The following PDE4B variants were observed in gnomAD, a reference collection of about 807,000 sequenced individuals.
PDE4B encodes the protein 3',5'-cyclic-AMP phosphodiesterase 4B.
PDE4B carries 20 observed loss-of-function variants against 82.2 expected under a neutral mutation model. That is an observed-to-expected ratio of 0.24 (90% confidence interval 0.17 to 0.35). The LOEUF (loss-of-function observed/expected upper bound fraction) is 0.35, where lower values mean the gene tolerates loss of function less well. PDE4B is among the 10% of genes least tolerant of loss of function. The pLI is 1.00. For synonymous variants in PDE4B, 320 were observed against 318.9 expected, an observed-to-expected ratio of 1.00 and a Z score of -0.04; for missense variants, 655 against 907.2, an observed-to-expected ratio of 0.72 and a Z score of 3.57.
At chr1:66,037,841 A>G (rs913825205) in intron 3 of PDE4B, among the ~76,000 whole-genome samples, 3 of 152,182 alleles carry the variant, frequency 2.0e-5, no homozygotes, top group African/African-American at 7.2e-5. Context: ...TCATTTTATA[A>G]AAGATTATGG....
intron 3 of PDE4B, among the ~76,000 whole-genome samples, chr1:65,946,765 C>T (rs1276499181): frequency 6.6e-6 from 1 of 151,952 alleles, no homozygotes; most frequent in Admixed American, 6.6e-5. Context: ...TATGCAGACC[C>T]ATTTGTTGCC....
chr1:66,307,123 CAG>C (rs1317656692), intron 7 of PDE4B, among the ~76,000 whole-genome samples: 5 of 151,818 alleles, frequency 3.3e-5, no homozygotes, highest in Non-Finnish European at 5.9e-5. Context: ...GAGAGAGAGA[CAG>C]AGACAGAGAC....
At chr1:65,891,404 G>A (rs1271124349) in intron 1 of PDE4B, among the ~76,000 whole-genome samples, 1 of 151,900 alleles carries the variant, frequency 6.6e-6, no homozygotes, top group Non-Finnish European at 1.5e-5. Context: ...TTCTTTCTTT[G>A]GTAGTTCAAC....
chr1:65,992,092 T>A (rs907705042), intron 3 of PDE4B, among the ~76,000 whole-genome samples: 1 of 152,174 alleles, frequency 6.6e-6, no homozygotes, highest in Non-Finnish European at 1.5e-5. Context: ...TCCTGTTCGC[T>A]GACATTTTTT....
chr1:65,959,488 G>C (rs960113569), intron 3 of PDE4B, among the ~76,000 whole-genome samples: 9 of 152,068 alleles, frequency 5.9e-5, no homozygotes, highest in Non-Finnish European at 1.2e-4. Flanking sequence ...ACACCACCAG[G>C]TCCATGTCAA....
At chr1:66,126,312 G>C (rs1645822415) in intron 3 of PDE4B, among the ~76,000 whole-genome samples, 1 of 152,124 alleles carries the variant, frequency 6.6e-6, no homozygotes, top group Non-Finnish European at 1.5e-5. Flanking sequence ...AAATAATCAA[G>C]ATGATAACTT....
chr1:66,350,389 C>A (rs1221574247), intron 8 of PDE4B, among the ~76,000 whole-genome samples: 1 of 152,036 alleles, frequency 6.6e-6, no homozygotes, highest in Non-Finnish European at 1.5e-5. Context: ...TTTTTATTCT[C>A]TGTTCTTACA....
chr1:66,228,166 C>T (rs114366670), intron 3 of PDE4B, among the ~76,000 whole-genome samples: 2,080 of 152,310 alleles, frequency 0.014, 56 homozygotes, highest in African/African-American at 0.047. Context: ...GTCTTGTTAA[C>T]CTGACCACCT....
At chr1:66,268,830 T>C (rs1409340069) in intron 7 of PDE4B, among the ~76,000 whole-genome samples, 1 of 152,138 alleles carries the variant, frequency 6.6e-6, no homozygotes, top group African/African-American at 2.4e-5. Flanking sequence ...TAAGTTGGCA[T>C]AATTGCTCCT....
chr1:66,084,115 C>G (rs1656882354), intron 3 of PDE4B, among the ~76,000 whole-genome samples: 1 of 152,020 alleles, frequency 6.6e-6, no homozygotes, highest in South Asian at 2.1e-4. Flanking sequence ...AAAATTATAC[C>G]TCTTACAAGA....
chr1:66,328,195 G>C (rs1026556065), intron 7 of PDE4B, among the ~76,000 whole-genome samples: 3 of 152,164 alleles, frequency 2.0e-5, no homozygotes, highest in African/African-American at 7.2e-5. Context: ...GCAATACCCA[G>C]CAAACTTATA....
intron 1 of PDE4B, among the ~76,000 whole-genome samples, chr1:65,850,047 A>G (rs1048516330): frequency 6.6e-6 from 1 of 151,468 alleles, no homozygotes; most frequent in African/African-American, 2.4e-5. Flanking sequence ...CATTCCCACC[A>G]GCAATACATG....
intron 3 of PDE4B, among the ~76,000 whole-genome samples, chr1:66,119,105 T>C (rs1407653872): frequency 6.6e-6 from 1 of 152,240 alleles, no homozygotes; most frequent in East Asian, 1.9e-4. Context: ...TCCAGAGGAA[T>C]CTATTTCAGA....
intron 1 of PDE4B, among the ~76,000 whole-genome samples, chr1:65,863,687 C>T (rs1342152921): frequency 6.6e-6 from 1 of 152,138 alleles, no homozygotes; most frequent in Non-Finnish European, 1.5e-5. Context: ...TCTGGGTGCT[C>T]CTGTATTCAG....
At chr1:65,962,330 G>A (rs1649586248) in intron 3 of PDE4B, among the ~76,000 whole-genome samples, 1 of 152,112 alleles carries the variant, frequency 6.6e-6, no homozygotes, top group Admixed American at 6.5e-5. Context: ...GACATGCTCA[G>A]GTGCTACTTT....
chr1:66,327,698 G>T (rs945675840), intron 7 of PDE4B, among the ~76,000 whole-genome samples: 6 of 152,314 alleles, frequency 3.9e-5, no homozygotes, highest in African/African-American at 1.4e-4. Flanking sequence ...ACTGAAGCAA[G>T]ATGCAGGACA....
In PDE4B at chr1:66,097,949, A is replaced by G. The variant is rs180692242; in HGVS notation, c.282-149511A>G. On this transcript the variant is annotated intron_variant, in intron 3 of 16. Coordinates refer to ENST00000341517, the MANE Select transcript of PDE4B (RefSeq NM_002600.4). ...TTTTTGAATCAGTTTGATCCTTCTGAAGCTTACTTTTAACCTTTATTAGAA... is the reference window on the plus strand; with the variant it reads ...TTTTTGAATCAGTTTGATCCTTCTGGAGCTTACTTTTAACCTTTATTAGAA... Among the ~76,000 whole-genome samples the G allele has an allele frequency of 2.1e-4, 32 of 150,782 alleles. 1 individual carries two copies. In the East Asian group the frequency reaches 3.7e-3, roughly 17 times the overall value.
intron 3 of PDE4B, among the ~76,000 whole-genome samples, chr1:66,089,622 G>A (rs1644971352): frequency 6.6e-6 from 1 of 151,918 alleles, no homozygotes; most frequent in Non-Finnish European, 1.5e-5. Flanking sequence ...CTATAAAAGA[G>A]TTGCTTAGCC....
At chr1:66,214,991 G>A (rs1382381573) in intron 3 of PDE4B, among the ~76,000 whole-genome samples, 4 of 152,094 alleles carry the variant, frequency 2.6e-5, no homozygotes, top group South Asian at 2.1e-4. Context: ...AAAGTGAAGA[G>A]CAGTGGGTAA....
Sources: gnomAD v4.1 joint callset for allele counts (sites outside exome capture counted in the v4.1 genomes callset) on GRCh38, gnomAD v4.1.1 for gene constraint, MANE v1.5 for transcripts, NCBI Gene and HGNC (gene_info 2026-07-23, HGNC 2026-07-21) for gene names.